The following PIK3C3 variants were observed in gnomAD, a reference collection of about 807,000 sequenced individuals.
PIK3C3 encodes PI3-kinase type 3.
In PIK3C3, 95 loss-of-function variants were observed where a neutral mutation model predicts 126.1. That is an observed-to-expected ratio of 0.75 (90% confidence interval 0.64 to 0.89). PIK3C3 has a LOEUF of 0.89. PIK3C3 is among the 40% of genes least tolerant of loss of function. The pLI is 0.00. For missense variants in PIK3C3, 829 were observed against 1,063.2 expected (o/e 0.78, Z 3.06); for synonymous variants, 374 against 360.0 (o/e 1.04, Z -0.44).
chr18:41,975,848 C>T (rs145924988), intron 4 of PIK3C3, among the ~76,000 whole-genome samples: 6 of 152,054 alleles, frequency 3.9e-5, no homozygotes, highest in Non-Finnish European at 7.4e-5. Context: ...TACAGGCACC[C>T]GCCATCATGC....
chr18:42,071,670 A>G (rs1246050083), intron 24 of PIK3C3, among the ~76,000 whole-genome samples: 1 of 151,834 alleles, frequency 6.6e-6, no homozygotes, highest in African/African-American at 2.4e-5. Flanking sequence ...CAGTGAGCCA[A>G]GATCACTCCA....
chr18:42,067,246 A>G, intron 23 of PIK3C3, 142 bp from the exon 24 acceptor site: 1 of 700,460 alleles, frequency 1.4e-6, no homozygotes, highest in Non-Finnish European at 2.4e-6. Flanking sequence ...AATGCCATTC[A>G]GAATTCTAAT....
chr18:42,015,610 T>G, intron 12 of PIK3C3, 44 bp downstream of exon 12: 1 of 1,310,602 alleles, frequency 7.6e-7, no homozygotes, highest in Non-Finnish European at 1.1e-6. Context: ...GAGATCCTAC[T>G]GCATGAACAT....
At chr18:41,986,710 G>A (rs1981495890) in intron 4 of PIK3C3, among the ~76,000 whole-genome samples, 1 of 151,990 alleles carries the variant, frequency 6.6e-6, no homozygotes, top group Non-Finnish European at 1.5e-5. Context: ...GAGCCACCAC[G>A]ATATTTAGTT....
intron 4 of PIK3C3, chr18:41,970,712 A>G: frequency 1.7e-6 from 1 of 590,178 alleles, no homozygotes; most frequent in South Asian, 2.2e-5. Context: ...CACCCCTAAA[A>G]GAAACCGCAC....
intron 21 of PIK3C3, among the ~76,000 whole-genome samples, chr18:42,057,058 A>AC (rs34303564): frequency 0.029 from 3,147 of 107,558 alleles, 58 homozygotes; most frequent in African/African-American, 0.061. Flanking sequence ...ATAGAAATGA[A>AC]CCCCCCCCCC....
At chr18:41,978,502 T>A (rs1383995886) in intron 4 of PIK3C3, among the ~76,000 whole-genome samples, 1 of 152,152 alleles carries the variant, frequency 6.6e-6, no homozygotes, top group East Asian at 1.9e-4. Context: ...GTTCTTTTGG[T>A]CCCATTCTCA....
At chr18:42,040,315 T>TAA (rs1399538669) in intron 18 of PIK3C3, among the ~76,000 whole-genome samples, 1 of 152,172 alleles carries the variant, frequency 6.6e-6, no homozygotes, top group African/African-American at 2.4e-5. Context: ...CTAGATTTCT[T>TAA]ACGGTGATTT....
chr18:42,074,533 C>A (rs1302868171), intron 24 of PIK3C3, among the ~76,000 whole-genome samples: 1 of 151,898 alleles, frequency 6.6e-6, no homozygotes, highest in East Asian at 1.9e-4. Flanking sequence ...TTTATTATTT[C>A]CTGCTGTAAA....
intron 12 of PIK3C3, among the ~76,000 whole-genome samples, chr18:42,017,899 G>A (rs1225790898): frequency 6.6e-6 from 1 of 151,626 alleles, no homozygotes; most frequent in Non-Finnish European, 1.5e-5. Flanking sequence ...TTTTATAACT[G>A]GAACTTTTGC....
chr18:41,963,134 G>A (rs887845382), intron 3 of PIK3C3, among the ~76,000 whole-genome samples: 3 of 151,226 alleles, frequency 2.0e-5, no homozygotes, highest in Non-Finnish European at 2.9e-5. Flanking sequence ...TCTCTATATC[G>A]TTTTTCTCCT....
At chr18:42,031,235 C>T (rs981025299) in intron 15 of PIK3C3, among the ~76,000 whole-genome samples, 2 of 152,030 alleles carry the variant, frequency 1.3e-5, no homozygotes, top group East Asian at 3.9e-4. Context: ...AATTTATTTG[C>T]GAGAGCTATA....
At position 41,978,979 on chromosome 18, in the gene PIK3C3, C is replaced by T. The variant is rs529045686; in HGVS notation, c.531+8523C>T. Among the ~76,000 whole-genome samples, 4 of 149,132 alleles carry T rather than the reference C, an allele frequency of 2.7e-5. No individual in the cohort carries two copies. The Admixed American group carries it at 2.7e-4, about 10-fold the overall frequency. On this transcript the variant is annotated intron_variant, in intron 4 of 24. Coordinates refer to ENST00000262039, the MANE Select transcript of PIK3C3 (RefSeq NM_002647.4). ...GTGTGCACCTGTAGTTTCAGCCACT[C>T]AGCTACATGGAAGGCTGAGGCAGGA...
intron 24 of PIK3C3, among the ~76,000 whole-genome samples, chr18:42,080,441 G>A (rs900823443): frequency 6.9e-6 from 1 of 144,302 alleles, no homozygotes; most frequent in Non-Finnish European, 1.5e-5. Context: ...ATGAAGTGAA[G>A]GTCTTAGAAA....
In PIK3C3 at chr18:41,993,434, T is replaced by C. The variant is rs112233498; in HGVS notation, c.786+93T>C. ...TGTACTTTCTTTAAACAAAGTAATA[T>C]ATAACTGCCTCCGTTACCTAAAAGT... On this transcript the variant is annotated intron_variant, in intron 7 of 24. Transcript: ENST00000262039. 8.4e-3 allele frequency: 6,287 copies of C among 749,360 alleles called. 45 individuals are homozygous for C. Among genetic ancestry groups the C allele is most frequent in the Non-Finnish European group, 0.011 (4,906 of 434,830 alleles). 46.4% of individuals were successfully genotyped at this position (749,360 alleles called of 1,614,324 possible). A position where few individuals can be genotyped will look rare whatever the true frequency, so the allele number is the denominator to read the frequency against.
At chr18:41,998,744 A>G (rs1480012817) in intron 9 of PIK3C3, among the ~76,000 whole-genome samples, 7 of 152,182 alleles carry the variant, frequency 4.6e-5, no homozygotes, top group African/African-American at 1.2e-4. Context: ...TTCAGAAGTC[A>G]CTATGGAGTA....
chr18:42,009,557 A>G (rs1217059783), intron 10 of PIK3C3, among the ~76,000 whole-genome samples: 1 of 152,122 alleles, frequency 6.6e-6, no homozygotes, highest in Non-Finnish European at 1.5e-5. Context: ...ATGTTTATAT[A>G]GTAAATTATA....
intron 2 of PIK3C3, 108 bp downstream of exon 2, chr18:41,957,866 A>G (rs892933516): frequency 4.0e-6 from 3 of 755,236 alleles, no homozygotes; most frequent in Non-Finnish European, 6.3e-6. Flanking sequence ...TAATACCTAT[A>G]GGCATTGATC....
In PIK3C3 at chr18:42,080,724, G is replaced by C. The variant is rs147223086; in HGVS notation, c.2650-399G>C. On this transcript the variant is annotated intron_variant, in intron 24 of 24. Transcript: ENST00000262039. Reference sequence around the variant, plus strand: ...GAAGTAGTTGCACTCTCTGGGATAAGCTACAGGTTTTCACAGCCTCTCAAA... The same window carrying C: ...GAAGTAGTTGCACTCTCTGGGATAACCTACAGGTTTTCACAGCCTCTCAAA... 5.4e-4 allele frequency among the ~76,000 whole-genome samples: 82 copies of C among 152,240 alleles called. 1 individual carries two copies. In the South Asian group the frequency reaches 6.0e-3, roughly 11 times the overall value.
Sources: allele counts gnomAD v4.1 joint callset (sites outside exome capture counted in the v4.1 genomes callset), GRCh38; gene constraint gnomAD v4.1.1; transcripts MANE v1.5; gene names NCBI Gene and HGNC (gene_info 2026-07-23, HGNC 2026-07-21).